Variants in PCDHA13 observed in about 807,000 individuals in gnomAD.
PCDHA13 encodes the protein protocadherin alpha 13.
Under a neutral mutation model 64.8 loss-of-function variants are expected in PCDHA13, and 54 were observed. The ratio of observed to expected loss-of-function variants is 0.83; its 90% confidence interval spans 0.67 to 1.04. PCDHA13 has a LOEUF of 1.04. Ranked by LOEUF, PCDHA13 falls within the 50% of genes least tolerant of loss-of-function variation. The pLI, the probability that PCDHA13 is intolerant of heterozygous loss-of-function variation, is 0.00. For missense variants in PCDHA13, 1,248 were observed against 1,254.3 expected (o/e 0.99, Z 0.08); for synonymous variants, 587 against 564.4 (o/e 1.04, Z -0.57).
chr5:140,993,943 A>C (rs1055382423), intron 3 of PCDHA13, among the ~76,000 whole-genome samples: 1 of 152,220 alleles, frequency 6.6e-6, no homozygotes, highest in Admixed American at 6.5e-5. Flanking sequence ...CCCCATTGTT[A>C]AGTGATACAT....
At chr5:141,003,510 A>C (rs1468305070) in intron 3 of PCDHA13, among the ~76,000 whole-genome samples, 1 of 152,070 alleles carries the variant, frequency 6.6e-6, no homozygotes, top group African/African-American at 2.4e-5. Context: ...ATGGGGTTTC[A>C]CCATGTTCCC....
At chr5:140,902,199 CTT>C (rs1290062929) in intron 1 of PCDHA13, among the ~76,000 whole-genome samples, 2 of 139,232 alleles carry the variant, frequency 1.4e-5, no homozygotes, top group Admixed American at 7.2e-5. Flanking sequence ...CTCTCTCTCT[CTT>C]TCTTTTTTTT....
intron 1 of PCDHA13, among the ~76,000 whole-genome samples, chr5:140,977,969 C>T (rs1554238945): frequency 6.6e-6 from 1 of 152,114 alleles, no homozygotes; most frequent in African/African-American, 2.4e-5. Context: ...AATCTCCGCC[C>T]ATGAAAACGC....
At chr5:140,969,091 G>A (rs1554231442) in intron 1 of PCDHA13, 3 of 1,614,152 alleles carry the variant, frequency 1.9e-6, no homozygotes, top group Admixed American at 1.7e-5. Context: ...TCAAAGTGCA[G>A]CCTCACTTCA....
At chr5:140,933,458 C>G (rs1040429377) in intron 1 of PCDHA13, among the ~76,000 whole-genome samples, 2 of 151,968 alleles carry the variant, frequency 1.3e-5, no homozygotes, top group Non-Finnish European at 2.9e-5. Flanking sequence ...TCAAAATATA[C>G]TCTGAATTCA....
At chr5:140,908,073 G>A (rs2153503880) in intron 1 of PCDHA13, among the ~76,000 whole-genome samples, 1 of 152,322 alleles carries the variant, frequency 6.6e-6, no homozygotes, top group Admixed American at 6.5e-5. Context: ...CATGAAAAGT[G>A]CACAACCAGG....
intron 1 of PCDHA13, chr5:140,969,531 A>G: frequency 7.4e-7 from 1 of 1,356,026 alleles, no homozygotes; most frequent in South Asian, 1.6e-5. Context: ...TTTATTTTTC[A>G]TTTTCAGAGG....
intron 1 of PCDHA13, among the ~76,000 whole-genome samples, chr5:140,920,380 T>C (rs1386655132): frequency 2.0e-5 from 3 of 152,246 alleles, no homozygotes; most frequent in Non-Finnish European, 4.4e-5. Flanking sequence ...TGTGGATTCA[T>C]ATTACCATCT....
chr5:140,943,346 G>C (rs2153662502), intron 1 of PCDHA13, among the ~76,000 whole-genome samples: 1 of 151,738 alleles, frequency 6.6e-6, no homozygotes, highest in East Asian at 1.9e-4. Context: ...GACAGGATGA[G>C]AGTAGAGGAA....
At chr5:140,942,239 T>A (rs1554214876) in intron 1 of PCDHA13, among the ~76,000 whole-genome samples, 1 of 152,156 alleles carries the variant, frequency 6.6e-6, no homozygotes, top group Admixed American at 6.6e-5. Flanking sequence ...AAATAAGATA[T>A]CCATATCATT....
chr5:140,890,045 T>C (rs1192229071), intron 1 of PCDHA13, among the ~76,000 whole-genome samples: 1 of 152,206 alleles, frequency 6.6e-6, no homozygotes, highest in African/African-American at 2.4e-5. Context: ...TGTAGTGTGT[T>C]GGAGCTGGCT....
chr5:141,010,815 TC>T lies in PCDHA13; in HGVS notation c.*879del, dbSNP rs1159286994. 1.3e-5 allele frequency: 2 copies of T among 153,744 alleles called. No homozygotes were observed. Among genetic ancestry groups the T allele is most frequent in the Admixed American group, 6.5e-5 (1 of 15,280 alleles). 9.5% of individuals were successfully genotyped at this position (153,744 alleles called of 1,614,324 possible). On this transcript the variant is annotated 3_prime_UTR_variant, in exon 4 of 4. Coordinates refer to ENST00000289272, the MANE Select transcript of PCDHA13 (RefSeq NM_018904.3). ...AAAGAAAACCCCGACACCTCACCTT[TC>T]GCTGTTTGTTGTTTCATAGATTTAT...
chr5:140,886,558 T>G (rs535461538), intron 1 of PCDHA13, among the ~76,000 whole-genome samples: 1 of 152,202 alleles, frequency 6.6e-6, no homozygotes, highest in South Asian at 2.1e-4. Flanking sequence ...CTGGGCACGG[T>G]GGCTCACGCC....
At chr5:140,915,028 T>C (rs1583932096) in intron 1 of PCDHA13, among the ~76,000 whole-genome samples, 1 of 150,922 alleles carries the variant, frequency 6.6e-6, no homozygotes, top group Non-Finnish European at 1.5e-5. Context: ...TCACTGCAAC[T>C]TCTGCCTCCT....
intron 1 of PCDHA13, among the ~76,000 whole-genome samples, chr5:140,918,378 T>C (rs2078665832): frequency 6.6e-6 from 1 of 152,192 alleles, no homozygotes; most frequent in South Asian, 2.1e-4. Flanking sequence ...GGATGCCTTT[T>C]ATTTCTTTCT....
At chr5:140,993,462 TCACACACA>T (rs3836747) in intron 3 of PCDHA13, among the ~76,000 whole-genome samples, 8,792 of 140,974 alleles carry the variant, frequency 0.062, 316 homozygotes, top group South Asian at 0.11. Flanking sequence ...TCTTTCTTTC[TCACACACA>T]CACACACACA....
At chr5:141,009,285 T>C (rs1554262099) in intron 3 of PCDHA13, among the ~76,000 whole-genome samples, 1 of 152,106 alleles carries the variant, frequency 6.6e-6, no homozygotes, top group African/African-American at 2.4e-5. Context: ...TGAGATCCCA[T>C]TTCTATAAAA....
chr5:141,003,104 C>G (rs1447493860), intron 3 of PCDHA13, among the ~76,000 whole-genome samples: 1 of 152,236 alleles, frequency 6.6e-6, no homozygotes, highest in East Asian at 1.9e-4. Context: ...ATTTGCTTCA[C>G]AATCTTCTGG....
intron 1 of PCDHA13, among the ~76,000 whole-genome samples, chr5:140,910,005 G>T (rs1554194067): frequency 1.3e-5 from 2 of 152,212 alleles, no homozygotes; most frequent in African/African-American, 4.8e-5. Flanking sequence ...ATTGTTGTCA[G>T]TGTCATCCTT....
Sources: gnomAD v4.1 joint callset for allele counts (sites outside exome capture counted in the v4.1 genomes callset) on GRCh38, gnomAD v4.1.1 for gene constraint, MANE v1.5 for transcripts, NCBI Gene and HGNC (gene_info 2026-07-23, HGNC 2026-07-21) for gene names.